CRACDL: variants seen among roughly 807,000 people sequenced by gnomAD.
CRACDL encodes the protein CRACD-like protein.
Under a neutral mutation model 70.6 loss-of-function variants are expected in CRACDL, and 26 were observed. That is an observed-to-expected ratio of 0.37 (90% CI 0.27 to 0.51). CRACDL has a LOEUF of 0.51. Ranked by LOEUF, CRACDL falls within the 20% of genes least tolerant of loss-of-function variation. The pLI is 0.94. For missense variants in CRACDL, 1,283 were observed against 1,376.9 expected, an observed-to-expected ratio of 0.93 and a Z score of 1.08; for synonymous variants, 618 against 615.2, an observed-to-expected ratio of 1.00 and a Z score of -0.07.
At position 98,795,077 on chromosome 2, in the gene CRACDL, ATTT is replaced by A. The variant is rs1181969802; in HGVS notation, c.2750-409_2750-407del. Among the ~76,000 whole-genome samples, 217 of 58,424 alleles carry A rather than the reference ATTT, an allele frequency of 3.7e-3. 19 individuals carry two copies. Among genetic ancestry groups the A allele is most frequent in the African/African-American group, 0.011 (169 of 15,076 alleles). 38.3% of individuals were successfully genotyped at this position (58,424 alleles called of 152,430 possible). On this transcript the variant is annotated intron_variant, in intron 9 of 9. Coordinates refer to ENST00000397899, the MANE Select transcript of CRACDL (RefSeq NM_207362.3). The stretch of plus-strand genomic sequence containing the variant: ...TATATATATATATATATATATATAT[ATTT>A]TTTTTTTTTTTTGAGACAGAAGTCT...
intron 1 of CRACDL, among the ~76,000 whole-genome samples, chr2:98,913,587 G>C (rs1280808267): frequency 6.6e-6 from 1 of 152,106 alleles, no homozygotes; most frequent in East Asian, 1.9e-4. Context: ...TGCAGGCAGA[G>C]GGCCAAGCCG....
At chr2:98,795,077 A>ATATTTTTTTTTTTTTTTTTTTT in intron 9 of CRACDL, among the ~76,000 whole-genome samples, 6 of 58,492 alleles carry the variant, frequency 1.0e-4, no homozygotes, top group South Asian at 9.8e-4. Flanking sequence ...ATATATATAT[A>ATATTTTTTTTTTTTTTTTTTTT]TTTTTTTTTT....
At chr2:98,816,034 T>C (rs1704770259) in intron 7 of CRACDL, among the ~76,000 whole-genome samples, 3 of 151,996 alleles carry the variant, frequency 2.0e-5, no homozygotes, top group Non-Finnish European at 4.4e-5. Context: ...CTCTGTCCCA[T>C]AGGGGCTGGT....
rs367965914 is a variant in CRACDL at position 98,812,479 on chromosome 2, AATGAG to A, written c.2416+9373_2416+9377del. On this transcript the variant is annotated intron_variant, in intron 7 of 9. Transcript: ENST00000397899. Reference sequence around the variant, plus strand: ...CCATTGGCCATAGAGATAATACTCTAATGAGAATTGCATTTTCTCCACATCCTCAC... The same window carrying A: ...CCATTGGCCATAGAGATAATACTCTAAATTGCATTTTCTCCACATCCTCAC... 4.5e-4 allele frequency among the ~76,000 whole-genome samples: 68 copies of A among 152,338 alleles called. 1 individual carries two copies. The East Asian group carries it at 0.012, about 26-fold the overall frequency.
At chr2:98,849,571 C>T (rs558569180) in intron 1 of CRACDL, among the ~76,000 whole-genome samples, 8 of 151,952 alleles carry the variant, frequency 5.3e-5, no homozygotes, top group African/African-American at 1.7e-4. Context: ...AGGCGGAGGG[C>T]CGGGGAGGGG....
At chr2:98,801,071 T>C (rs1172094982) in intron 7 of CRACDL, among the ~76,000 whole-genome samples, 1 of 152,206 alleles carries the variant, frequency 6.6e-6, no homozygotes, top group Non-Finnish European at 1.5e-5. Context: ...CTGGGCCAGC[T>C]TATGACCACA....
chr2:98,869,056 T>C, intron 1 of CRACDL: 2 of 1,295,776 alleles, frequency 1.5e-6, no homozygotes, highest in Non-Finnish European at 2.0e-6. Context: ...CCCCACCACC[T>C]CTTTGCTCTC....
At chr2:98,916,506 T>TC in intron 1 of CRACDL, among the ~76,000 whole-genome samples, 1 of 111,242 alleles carries the variant, frequency 9.0e-6, no homozygotes, top group South Asian at 3.3e-4. Context: ...AATAAAGCTG[T>TC]TTTTTTTAAA....
chr2:98,896,095 G>C (rs1246077587), intron 1 of CRACDL, among the ~76,000 whole-genome samples: 2 of 152,192 alleles, frequency 1.3e-5, no homozygotes. Flanking sequence ...CCGGGAGTGG[G>C]GGGCTGTGGC....
chr2:98,796,875 C>G (rs1199622551), intron 8 of CRACDL, among the ~76,000 whole-genome samples: 1 of 152,178 alleles, frequency 6.6e-6, no homozygotes, highest in Non-Finnish European at 1.5e-5. Flanking sequence ...AAGTTCCAGC[C>G]CCGCAGCCCC....
intron 2 of CRACDL, 40 bp downstream of exon 2, chr2:98,846,691 A>C: frequency 1.3e-6 from 2 of 1,561,610 alleles, no homozygotes; most frequent in Non-Finnish European, 1.8e-6. Context: ...CCCACAACAA[A>C]GCAAGTGCCC....
chr2:98,839,864 T>C (rs1705946497), intron 2 of CRACDL, among the ~76,000 whole-genome samples: 1 of 152,168 alleles, frequency 6.6e-6, no homozygotes, highest in African/African-American at 2.4e-5. Context: ...TTGATGCCTC[T>C]TTTCTCACCC....
intron 1 of CRACDL, among the ~76,000 whole-genome samples, chr2:98,867,931 A>T (rs2104589899): frequency 6.6e-6 from 1 of 152,348 alleles, no homozygotes; most frequent in East Asian, 1.9e-4. Flanking sequence ...TCTGCAGCAC[A>T]GCAGATGTGG....
chr2:98,827,509 C>G (rs527448179), intron 5 of CRACDL, among the ~76,000 whole-genome samples: 49 of 152,322 alleles, frequency 3.2e-4, no homozygotes, highest in Admixed American at 1.4e-3. Flanking sequence ...CCAGGCTGGT[C>G]TTAAACTCCT....
At chr2:98,883,588 C>A (rs557627258) in intron 1 of CRACDL, among the ~76,000 whole-genome samples, 1 of 152,338 alleles carries the variant, frequency 6.6e-6, no homozygotes, top group East Asian at 1.9e-4. Context: ...ATTGCTCCCA[C>A]TGGTTCCCTG....
At chr2:98,889,555 C>G (rs545074851) in intron 1 of CRACDL, among the ~76,000 whole-genome samples, 2 of 152,204 alleles carry the variant, frequency 1.3e-5, no homozygotes, top group Non-Finnish European at 2.9e-5. Context: ...AGGAAGACAG[C>G]AGTAATAGTT....
Position 98,822,410 on chromosome 2 carries a change from C to T in CRACDL, c.1863G>A (p.Glu621=). The T allele has an allele frequency of 4.7e-6, 7 of 1,483,992 alleles. No individual in the cohort carries two copies. Among genetic ancestry groups the T allele is most frequent in the Non-Finnish European group, 6.2e-6 (7 of 1,125,830 alleles). 91.9% of individuals were successfully genotyped at this position (1,483,992 alleles called of 1,614,324 possible). A position where few individuals can be genotyped will look rare whatever the true frequency, so the allele number is the denominator to read the frequency against. The change falls in exon 7 of 10, where the codon GAG becomes GAA. Residue 621 remains glutamate (E), a synonymous_variant. Coordinates refer to ENST00000397899, the MANE Select transcript of CRACDL (RefSeq NM_207362.3). This position sits in a 1 kb window ranked among gnomAD's most constrained non-coding sequence, Gnocchi z 4.9. ...GAGGGCCAGGTTTCGCGTGCTGGGGCTCGGGGAGACCCTGGAGGTCGTCAA... is the reference window on the plus strand; with the variant it reads ...GAGGGCCAGGTTTCGCGTGCTGGGGTTCGGGGAGACCCTGGAGGTCGTCAA... The part of the protein sequence containing the change: ...AALDDLQGLP[E]PQHAKPGPRK...
At position 98,822,823 on chromosome 2, in the gene CRACDL, A is replaced by AGGGCTCGGTCCCAATTCTCTC. The variant is rs776710444; in HGVS notation, c.1429_1449dup (p.Glu477_Pro483dup). The AGGGCTCGGTCCCAATTCTCTC allele has an allele frequency of 3.6e-6, 5 of 1,396,588 alleles. No homozygotes were observed. The highest frequency in any genetic ancestry group is 4.6e-6 in the Non-Finnish European group (5 of 1,080,626). The allele number at this position is 1,396,588 out of a possible 1,614,324, so 86.5% of individuals were successfully genotyped here. A position where few individuals can be genotyped will look rare whatever the true frequency, so the allele number is the denominator to read the frequency against. ...GGCGGGCTCGGGGCGGGCGCCGTGG[A>AGGGCTCGGTCCCAATTCTCTC]GGGCTCGGTCCCAATTCTCTCGGGC... On this transcript the variant is annotated inframe_insertion, in exon 7 of 10. Transcript: ENST00000397899. This position sits in a 1 kb window ranked among gnomAD's most constrained non-coding sequence, Gnocchi z 4.9.
chr2:98,879,676 G>A (rs1321433541), intron 1 of CRACDL, among the ~76,000 whole-genome samples: 1 of 152,140 alleles, frequency 6.6e-6, no homozygotes, highest in Non-Finnish European at 1.5e-5. Context: ...AGCCTCCCGA[G>A]TAGCTGTCCC....
Sources: allele counts gnomAD v4.1 joint callset (sites outside exome capture counted in the v4.1 genomes callset), GRCh38; gene constraint gnomAD v4.1.1; non-coding constraint Gnocchi (gnomAD v3.1); transcripts MANE v1.5; gene names NCBI Gene and HGNC (gene_info 2026-07-23, HGNC 2026-07-21).